Variants in INPP4B observed in about 807,000 individuals in gnomAD.
INPP4B encodes the protein inositol polyphosphate-4-phosphatase type II B.
Under a neutral mutation model 122.5 loss-of-function variants are expected in INPP4B, and 55 were observed. The observed-to-expected ratio is 0.45, with a 90% CI of 0.36 to 0.56. The LOEUF (loss-of-function observed/expected upper bound fraction) is 0.56, where lower values mean the gene tolerates loss of function less well. Ranked by LOEUF, INPP4B falls within the 20% of genes least tolerant of loss-of-function variation. The pLI is 0.00. For missense variants in INPP4B, 1,000 were observed against 1,097.7 expected (o/e 0.91, Z 1.26); for synonymous variants, 403 against 388.7 (o/e 1.04, Z -0.43).
intron 1 of INPP4B, among the ~76,000 whole-genome samples, chr4:142,780,244 C>G (rs1262818813): frequency 6.6e-6 from 1 of 151,994 alleles, no homozygotes; most frequent in East Asian, 1.9e-4. Context: ...ATGATAAAAG[C>G]AAGTAGACTT....
rs371606239 is a variant in INPP4B, at chr4:142,292,670, G to T, written c.503+12788C>A. 3.3e-5 allele frequency among the ~76,000 whole-genome samples: 5 copies of T among 152,158 alleles called. No individual in the cohort carries two copies. In the East Asian group the frequency reaches 9.6e-4, roughly 29 times the overall value. On this transcript the variant is annotated intron_variant, in intron 9 of 25. Coordinates refer to ENST00000262992, the MANE Select transcript of INPP4B (RefSeq NM_001101669.3). ...AAGTGATCTGCTCTGGTCATCAATG[G>T]ATAGATGAGGATTAGACCATGTTTA...
chr4:142,736,655 T>G (rs563355062), intron 1 of INPP4B, among the ~76,000 whole-genome samples: 69 of 152,310 alleles, frequency 4.5e-4, no homozygotes, highest in African/African-American at 7.7e-4. Context: ...TTTTGTATCC[T>G]GAGACTTTGC....
chr4:142,427,146 G>C (rs1237248705), intron 5 of INPP4B: 3 of 171,982 alleles, frequency 1.7e-5, no homozygotes, highest in Non-Finnish European at 2.4e-5. Flanking sequence ...GGGTTTATCT[G>C]TAATACCCTT....
At chr4:142,433,449 C>A (rs1398405915) in intron 3 of INPP4B, among the ~76,000 whole-genome samples, 1 of 152,116 alleles carries the variant, frequency 6.6e-6, no homozygotes, top group African/African-American at 2.4e-5. Context: ...GGTTCTCTCA[C>A]CCTCCCCCAG....
At chr4:142,178,291 T>G (rs1829244104) in intron 15 of INPP4B, among the ~76,000 whole-genome samples, 1 of 152,188 alleles carries the variant, frequency 6.6e-6, no homozygotes, top group South Asian at 2.1e-4. Flanking sequence ...CTACACTTAT[T>G]GCAACCACCC....
Position 142,298,359 on chromosome 4 carries a change from A to T in INPP4B, c.503+7099T>A, listed in dbSNP as rs113537619. Among the ~76,000 whole-genome samples the T allele has an allele frequency of 8.7e-3, 1,323 of 152,162 alleles. 11 individuals are homozygous for T. Among genetic ancestry groups the T allele is most frequent in the Middle Eastern group, 0.017 (5 of 294 alleles). ...TGAAAGGGGTCCAAGAAGAAGCTGA[A>T]GGGCCAGGTTTGAAGTCTTCTCTGG... On this transcript the variant is annotated intron_variant, in intron 9 of 25. Coordinates refer to ENST00000262992, the MANE Select transcript of INPP4B (RefSeq NM_001101669.3).
chr4:142,233,955 A>G (rs373487449), intron 12 of INPP4B, among the ~76,000 whole-genome samples: 1 of 152,276 alleles, frequency 6.6e-6, no homozygotes, highest in South Asian at 2.1e-4. Context: ...AGCTTCGTCC[A>G]TAAAAAATTT....
intron 25 of INPP4B, among the ~76,000 whole-genome samples, chr4:142,079,852 T>C (rs1772913924): frequency 6.6e-6 from 1 of 152,070 alleles, no homozygotes; most frequent in Non-Finnish European, 1.5e-5. Flanking sequence ...TATATGCTAT[T>C]GTAGTCCAAC....
intron 1 of INPP4B, among the ~76,000 whole-genome samples, chr4:142,834,955 G>A (rs964677907): frequency 3.9e-5 from 6 of 152,162 alleles, no homozygotes; most frequent in Non-Finnish European, 5.9e-5. Context: ...GAAATTATAA[G>A]CTCTTCACCT....
chr4:142,634,440 C>A (rs1458293108), intron 2 of INPP4B, among the ~76,000 whole-genome samples: 2 of 151,944 alleles, frequency 1.3e-5, no homozygotes, highest in East Asian at 1.9e-4. Context: ...ACTAAGTAAA[C>A]CTTATGTAAG....
chr4:142,192,991 C>G, intron 15 of INPP4B, 96 bp downstream of exon 15: 1 of 705,928 alleles, frequency 1.4e-6, no homozygotes, highest in Non-Finnish European at 2.5e-6. Flanking sequence ...ATGTCAAGAA[C>G]TATACATTGT....
chr4:142,701,356 G>T (rs1465672307), intron 2 of INPP4B, among the ~76,000 whole-genome samples: 2 of 152,004 alleles, frequency 1.3e-5, no homozygotes, highest in African/African-American at 4.8e-5. Flanking sequence ...CCAGGAGAAT[G>T]AGGAAGGTCA....
chr4:142,732,069 C>A (rs1766175451), intron 1 of INPP4B, among the ~76,000 whole-genome samples: 1 of 152,072 alleles, frequency 6.6e-6, no homozygotes, highest in Non-Finnish European at 1.5e-5. Flanking sequence ...GTCTAAAGCA[C>A]AATCATTTAG....
chr4:142,397,640 C>T (rs1171993679), intron 7 of INPP4B, among the ~76,000 whole-genome samples: 4 of 151,902 alleles, frequency 2.6e-5, no homozygotes, highest in African/African-American at 9.7e-5. Flanking sequence ...GAGATGAGAC[C>T]ATCCTGGCCA....
intron 9 of INPP4B, among the ~76,000 whole-genome samples, chr4:142,299,522 G>GTTTT (rs71586276): frequency 7.2e-6 from 1 of 138,254 alleles, no homozygotes; most frequent in Non-Finnish European, 1.6e-5. Context: ...GAAGTTTTTA[G>GTTTT]TTTTTTTTTT....
At chr4:142,504,607 T>C (rs1011510779) in intron 2 of INPP4B, among the ~76,000 whole-genome samples, 2 of 152,084 alleles carry the variant, frequency 1.3e-5, no homozygotes, top group Admixed American at 1.3e-4. Context: ...TGCTCATATA[T>C]AGAAGAATGG....
chr4:142,678,544 G>C (rs1758141331), intron 2 of INPP4B, among the ~76,000 whole-genome samples: 1 of 151,656 alleles, frequency 6.6e-6, no homozygotes, highest in Admixed American at 6.6e-5. Context: ...GGTTTATTTT[G>C]GCTCTGAAAG....
rs191244792 is a variant in INPP4B, at chr4:142,381,584, T to G, written c.372+21354A>C. 6.0e-4 allele frequency among the ~76,000 whole-genome samples: 91 copies of G among 152,206 alleles called. No individual in the cohort carries two copies. In the East Asian group the frequency reaches 0.013, roughly 22 times the overall value. ...ACAGTCATAAATTACCATATATGTCTTTTCTGGACTTCTTAAGAAAACTTT... is the reference window on the plus strand; with the variant it reads ...ACAGTCATAAATTACCATATATGTCGTTTCTGGACTTCTTAAGAAAACTTT... On this transcript the variant is annotated intron_variant, in intron 7 of 25. Coordinates refer to ENST00000262992, the MANE Select transcript of INPP4B (RefSeq NM_001101669.3).
At chr4:142,838,488 T>C (rs1783095047) in intron 1 of INPP4B, among the ~76,000 whole-genome samples, 1 of 152,174 alleles carries the variant, frequency 6.6e-6, no homozygotes, top group Non-Finnish European at 1.5e-5. Context: ...GGAAAAAGGA[T>C]ATGAATAGCA....
Sources: allele counts gnomAD v4.1 joint callset (sites outside exome capture counted in the v4.1 genomes callset), GRCh38; gene constraint gnomAD v4.1.1; transcripts MANE v1.5; gene names NCBI Gene and HGNC (gene_info 2026-07-23, HGNC 2026-07-21).